PCDHGA2: variants seen among roughly 807,000 people sequenced by gnomAD.
PCDHGA2 encodes the protein protocadherin gamma-A2.
Under a neutral mutation model 59.2 loss-of-function variants are expected in PCDHGA2, and 40 were observed. The ratio of observed to expected loss-of-function variants is 0.68; its 90% confidence interval spans 0.52 to 0.88. The LOEUF (loss-of-function observed/expected upper bound fraction) is 0.88. Ranked by LOEUF, PCDHGA2 falls within the 40% of genes least tolerant of loss-of-function variation. PCDHGA2 has a pLI of 0.00. For missense variants in PCDHGA2, 1,226 were observed against 1,204.0 expected (o/e 1.02, Z -0.27); for synonymous variants, 560 against 526.0 (o/e 1.06, Z -0.89).
intron 1 of PCDHGA2, among the ~76,000 whole-genome samples, chr5:141,453,293 T>TTATG: frequency 6.6e-6 from 1 of 151,872 alleles, no homozygotes; most frequent in Non-Finnish European, 1.5e-5. Flanking sequence ...TTTTAATTAT[T>TTATG]TATTTATTTA....
intron 1 of PCDHGA2, chr5:141,422,396 A>G (rs767394630): frequency 6.3e-6 from 10 of 1,597,278 alleles, no homozygotes; most frequent in Non-Finnish European, 8.5e-6. Flanking sequence ...ATTCCTAACC[A>G]CCTGCCTTTT....
rs757924501 is a variant in PCDHGA2, at chr5:141,490,548, A to G, written c.2425-4259A>G. 1.2e-6 allele frequency: 2 copies of G among 1,614,084 alleles called. No individual in the cohort carries two copies. Among genetic ancestry groups the G allele is most frequent in the South Asian group, 2.2e-5 (2 of 91,080 alleles). ...ATGCTGGTTCACCTTCCCTACACAA[A>G]CATCTCACCATCAGGCTCAACATTT... On this transcript the variant is annotated intron_variant, in intron 1 of 3. Transcript: ENST00000394576. This position sits in a 1 kb window ranked among gnomAD's most constrained non-coding sequence, Gnocchi z 5.4.
chr5:141,390,538 C>CA, intron 1 of PCDHGA2: 3 of 518,310 alleles, frequency 5.8e-6, no homozygotes, highest in Non-Finnish European at 1.0e-5. Flanking sequence ...GTTTTAACCA[C>CA]AAAGTGAAAG....
At chr5:141,351,169 G>A (rs377610977) in intron 1 of PCDHGA2, 24 of 1,613,902 alleles carry the variant, frequency 1.5e-5, no homozygotes, top group South Asian at 2.2e-5. Context: ...ATGGCACATT[G>A]GATTTTGAAG....
intron 1 of PCDHGA2, chr5:141,393,901 G>T: frequency 6.2e-7 from 1 of 1,613,894 alleles, no homozygotes; most frequent in Non-Finnish European, 8.5e-7. Context: ...TCTCTTCCCG[G>T]GACAGTAATT....
At chr5:141,410,078 G>A (rs1258292051) in intron 1 of PCDHGA2, 1 of 1,612,820 alleles carries the variant, frequency 6.2e-7, no homozygotes, top group Non-Finnish European at 8.5e-7. Flanking sequence ...CACTGGGGAG[G>A]TGCGCACGGC....
At chr5:141,427,901 G>C (rs2097088177) in intron 1 of PCDHGA2, 6 of 1,572,234 alleles carry the variant, frequency 3.8e-6, no homozygotes, top group East Asian at 2.2e-5. Flanking sequence ...GCTCGCCCGC[G>C]CTCAGCGCCA....
Position 141,487,424 on chromosome 5 carries a change from C to T in PCDHGA2, c.2425-7383C>T, listed in dbSNP as rs759893122. 5 of 1,613,982 alleles carry T rather than the reference C, an allele frequency of 3.1e-6. No individual in the cohort carries two copies. The highest frequency in any genetic ancestry group is 1.7e-5 in the Admixed American group (1 of 60,000). On this transcript the variant is annotated intron_variant, in intron 1 of 3. Transcript: ENST00000394576. The surrounding 1 kb of genome is among the most constrained non-coding windows in gnomAD (Gnocchi z 5.0). ...GCTTCCCCCTTCCAATGGGATCCTC[C>T]GAATCCAGCTAGGGTCAGATGACCC...
chr5:141,352,394 C>T (rs370902348), intron 1 of PCDHGA2: 1 of 1,614,050 alleles, frequency 6.2e-7, no homozygotes, highest in East Asian at 2.2e-5. Context: ...CCTGCGCCTG[C>T]GACGTTCCTC....
At chr5:141,427,416 G>T (rs1457696807) in intron 1 of PCDHGA2, 2 of 466,124 alleles carry the variant, frequency 4.3e-6, no homozygotes, top group South Asian at 3.1e-5. Flanking sequence ...GAGAGAAAAT[G>T]GGGAGGTTAC....
At chr5:141,462,116 C>T (rs535029363) in intron 1 of PCDHGA2, among the ~76,000 whole-genome samples, 3 of 152,152 alleles carry the variant, frequency 2.0e-5, no homozygotes, top group Admixed American at 1.3e-4. Context: ...AGCCACTGCA[C>T]CCAGTCCAAT....
At chr5:141,505,275 AGGTCTTGGGCATGGGGTAG>A (rs1251192617) in intron 2 of PCDHGA2, 99 bp from the exon 3 acceptor site, 87 of 1,525,470 alleles carry the variant, frequency 5.7e-5, no homozygotes, top group Non-Finnish European at 2.0e-5. Context: ...TGAGAGAAAC[AGGTCTTGGGCATGGGGTAG>A]GGTTAGGGTA....
At chr5:141,408,632 G>C (rs2154540395) in intron 1 of PCDHGA2, 3 of 1,613,952 alleles carry the variant, frequency 1.9e-6, no homozygotes, top group Non-Finnish European at 1.7e-6. Flanking sequence ...AGAAATTTTC[G>C]AATCTGCATC....
chr5:141,453,546 C>T lies in PCDHGA2; in HGVS notation c.2425-41261C>T, dbSNP rs116481133. Among the ~76,000 whole-genome samples, 695 of 152,296 alleles carry T rather than the reference C, an allele frequency of 4.6e-3. 4 individuals are homozygous for T. Among genetic ancestry groups the T allele is most frequent in the African/African-American group, 0.015 (634 of 41,558 alleles). On this transcript the variant is annotated intron_variant, in intron 1 of 3. Transcript: ENST00000394576. ...TACCTTCTGCCTCATTCACACCACA[C>T]TCTGTAGATAATCGATTTCATTAGT...
intron 1 of PCDHGA2, chr5:141,382,884 G>C: frequency 6.5e-7 from 1 of 1,529,218 alleles, no homozygotes; most frequent in South Asian, 1.3e-5. Flanking sequence ...GCCTAAGCAA[G>C]AGAAGCAGGA....
intron 1 of PCDHGA2, chr5:141,393,645 G>A (rs2092814255): frequency 6.2e-7 from 1 of 1,613,752 alleles, no homozygotes; most frequent in Non-Finnish European, 8.5e-7. Flanking sequence ...CGGAAAAGTG[G>A]CATACAAATT....
intron 1 of PCDHGA2, chr5:141,374,602 T>A (rs747550525): frequency 9.9e-6 from 16 of 1,613,534 alleles, no homozygotes; most frequent in Non-Finnish European, 1.3e-5. Flanking sequence ...TTAAGCTCAG[T>A]GGTAATAGTC....
At chr5:141,384,519 G>T in intron 1 of PCDHGA2, 3 of 1,614,220 alleles carry the variant, frequency 1.9e-6, no homozygotes, top group Non-Finnish European at 2.5e-6. Context: ...GCGGGGACCC[G>T]CCTCTCAGCA....
intron 1 of PCDHGA2, chr5:141,395,652 A>C (rs2093296938): frequency 6.0e-6 from 1 of 165,528 alleles, no homozygotes; most frequent in Admixed American, 6.1e-5. Context: ...TTAGCTTAGC[A>C]AAAGTAAAAT....
Sources: allele counts gnomAD v4.1 joint callset (sites outside exome capture counted in the v4.1 genomes callset), GRCh38; gene constraint gnomAD v4.1.1; non-coding constraint Gnocchi (gnomAD v3.1); transcripts MANE v1.5; gene names NCBI Gene and HGNC (gene_info 2026-07-23, HGNC 2026-07-21).